SMIM40: variants seen among roughly 807,000 people sequenced by gnomAD.
SMIM40 encodes small integral membrane protein 40.
chr6:33,327,354 G>A (rs965828919), intron 1 of SMIM40, among the ~76,000 whole-genome samples: 3 of 145,736 alleles, frequency 2.1e-5, no homozygotes, highest in Non-Finnish European at 2.9e-5. Context: ...CCCAGGAGGC[G>A]GAGATTTCAG....
At position 33,323,785 on chromosome 6, in the gene SMIM40, G is replaced by A. The variant is rs1770953434; in HGVS notation, c.*179C>T. On this transcript the variant is annotated 3_prime_UTR_variant, in exon 3 of 3. Coordinates refer to ENST00000494082, the MANE Select transcript of SMIM40 (RefSeq NM_001369203.1). ...GACCAGGTGGCCGTGCTTTGTCGTG[G>A]GAGGCCTAGGGTCTGCGGATGGGCG... The A allele has an allele frequency of 6.6e-6, 1 of 152,396 alleles. No individual in the cohort carries two copies. Among genetic ancestry groups the A allele is most frequent in the Non-Finnish European group, 1.5e-5 (1 of 68,090 alleles). 9.4% of individuals were successfully genotyped at this position (152,396 alleles called of 1,614,324 possible). A position where few individuals can be genotyped will look rare whatever the true frequency, so the allele number is the denominator to read the frequency against.
intron 1 of SMIM40, among the ~76,000 whole-genome samples, chr6:33,328,107 A>G (rs1771324562): frequency 6.6e-6 from 1 of 151,800 alleles, no homozygotes; most frequent in South Asian, 2.1e-4. Context: ...AAAAATTAAA[A>G]AATAAATAAA....
At chr6:33,327,294 C>T (rs1370859898) in intron 1 of SMIM40, among the ~76,000 whole-genome samples, 6 of 149,468 alleles carry the variant, frequency 4.0e-5, no homozygotes, top group African/African-American at 1.0e-4. Context: ...TGGTGGCTCG[C>T]GCCTTTAGTC....
chr6:33,328,486 G>A (rs369952011), intron 1 of SMIM40, among the ~76,000 whole-genome samples: 4 of 151,658 alleles, frequency 2.6e-5, no homozygotes, highest in Non-Finnish European at 5.9e-5. Flanking sequence ...CACTGTGCCC[G>A]GCCACAATTT....
At chr6:33,326,978 G>T (rs1407186521) in intron 1 of SMIM40, among the ~76,000 whole-genome samples, 1 of 147,810 alleles carries the variant, frequency 6.8e-6, no homozygotes, top group East Asian at 2.0e-4. Context: ...AAAAAAATTA[G>T]CTGGGTGTAG....
At chr6:33,324,998 C>G (rs1771077225) in intron 1 of SMIM40, among the ~76,000 whole-genome samples, 1 of 150,372 alleles carries the variant, frequency 6.7e-6, no homozygotes, top group Non-Finnish European at 1.5e-5. Context: ...TTCCTGGGCT[C>G]AAGCCATCCT....
At chr6:33,325,530 T>C (rs1771114604) in intron 1 of SMIM40, among the ~76,000 whole-genome samples, 1 of 148,150 alleles carries the variant, frequency 6.7e-6, no homozygotes, top group South Asian at 2.1e-4. Flanking sequence ...TAAATATTTC[T>C]TTTTAACAGT....
rs1770950193 is a variant in SMIM40, at chr6:33,323,764, AGGTGG to A, written c.*195_*199del. The A allele has an allele frequency of 6.6e-6, 1 of 152,354 alleles. No homozygotes were observed. Among genetic ancestry groups the A allele is most frequent in the Admixed American group, 6.5e-5 (1 of 15,274 alleles). 9.4% of individuals were successfully genotyped at this position (152,354 alleles called of 1,614,324 possible). ...CCTCGAAGGGCCGTCTGTGCTGACC[AGGTGG>A]CCGTGCTTTGTCGTGGGAGGCCTAG... On this transcript the variant is annotated 3_prime_UTR_variant, in exon 3 of 3. Coordinates refer to ENST00000494082, the MANE Select transcript of SMIM40 (RefSeq NM_001369203.1).
intron 1 of SMIM40, among the ~76,000 whole-genome samples, chr6:33,325,059 T>C (rs1771080046): frequency 6.6e-6 from 1 of 151,810 alleles, no homozygotes; most frequent in Admixed American, 6.6e-5. Flanking sequence ...ACCTGGCTAA[T>C]TTTTTTAAAA....
chr6:33,326,482 A>G (rs1308977541), intron 1 of SMIM40, among the ~76,000 whole-genome samples: 3 of 148,366 alleles, frequency 2.0e-5, no homozygotes, highest in Non-Finnish European at 4.4e-5. Context: ...GGCCATCACT[A>G]TGATATTTCA....
chr6:33,328,553 C>G (rs1434348478), intron 1 of SMIM40, among the ~76,000 whole-genome samples: 1 of 151,748 alleles, frequency 6.6e-6, no homozygotes, highest in Non-Finnish European at 1.5e-5. Flanking sequence ...GGAGTATATA[C>G]TTCTTCAAAA....
intron 1 of SMIM40, among the ~76,000 whole-genome samples, chr6:33,328,134 T>C (rs1202167436): frequency 1.3e-5 from 2 of 151,738 alleles, no homozygotes; most frequent in Non-Finnish European, 2.9e-5. Flanking sequence ...ATATTTTCAA[T>C]ATGCCAGAAT....
At chr6:33,324,912 A>AAAAAT (rs1771067265) in intron 1 of SMIM40, among the ~76,000 whole-genome samples, 2 of 126,996 alleles carry the variant, frequency 1.6e-5, no homozygotes, top group Admixed American at 1.6e-4. Flanking sequence ...AAAAAAAAAA[A>AAAAAT]GGAAAAAAAA....
chr6:33,324,725 A>T (rs1185080686), intron 1 of SMIM40, among the ~76,000 whole-genome samples: 1 of 146,374 alleles, frequency 6.8e-6, no homozygotes, highest in South Asian at 2.1e-4. Flanking sequence ...TCTACTAAAA[A>T]TACAAAAAAA....
Position 33,325,356 on chromosome 6 carries a change from C to T in SMIM40, c.*40-1326G>A, listed in dbSNP as rs1218519087. Among the ~76,000 whole-genome samples, 24 of 110,684 alleles carry T rather than the reference C, an allele frequency of 2.2e-4. 1 individual carries two copies. The highest frequency in any genetic ancestry group is 9.0e-4 in the African/African-American group (22 of 24,448). The allele number at this position is 110,684 out of a possible 152,430, so 72.6% of individuals were successfully genotyped here. The stretch of plus-strand genomic sequence containing the variant: ...ACTCCAGCCTGGCGACAGAGCAAGA[C>T]TCTGTCTCAAAAAAAAAAAAAAAAA... On this transcript the variant is annotated intron_variant, in intron 1 of 2. Transcript: ENST00000494082.
intron 1 of SMIM40, among the ~76,000 whole-genome samples, chr6:33,325,132 C>T (rs150144393): frequency 0.016 from 2,252 of 144,452 alleles, 98 homozygotes; most frequent in African/African-American, 0.061. Flanking sequence ...TTTGGGAGGC[C>T]GAGGCGGGCG....
chr6:33,326,610 A>G (rs1281824755), intron 1 of SMIM40, among the ~76,000 whole-genome samples: 3 of 148,288 alleles, frequency 2.0e-5, no homozygotes, highest in Admixed American at 2.0e-4. Flanking sequence ...AGATCACTTG[A>G]GGTCAGGAGT....
intron 1 of SMIM40, among the ~76,000 whole-genome samples, chr6:33,325,807 G>A (rs1771137043): frequency 6.8e-6 from 1 of 146,678 alleles, no homozygotes; most frequent in African/African-American, 2.7e-5. Flanking sequence ...GCAGTGAGCC[G>A]AGATCGCGCC....
At chr6:33,324,831 G>A (rs1399424774) in intron 1 of SMIM40, among the ~76,000 whole-genome samples, 1 of 119,206 alleles carries the variant, frequency 8.4e-6, no homozygotes, top group Non-Finnish European at 1.6e-5. Flanking sequence ...GTTGCAGTAA[G>A]CCGAGATCGC....
Sources: gnomAD v4.1 joint callset for allele counts (sites outside exome capture counted in the v4.1 genomes callset) on GRCh38, gnomAD v4.1.1 for gene constraint, MANE v1.5 for transcripts, NCBI Gene and HGNC (gene_info 2026-07-23, HGNC 2026-07-21) for gene names.